Variants in CACNG5 observed in about 807,000 individuals in gnomAD.
CACNG5 encodes the protein voltage-dependent calcium channel gamma-5 subunit.
A neutral mutation model predicts 24.8 loss-of-function variants in CACNG5; 18 were observed. The ratio of observed to expected loss-of-function variants is 0.73; its 90% confidence interval spans 0.50 to 1.08. The LOEUF is 1.08. Ranked by LOEUF, CACNG5 falls within the 50% of genes least tolerant of loss-of-function variation. The pLI is 0.00. For missense variants in CACNG5, 349 were observed against 367.9 expected (o/e 0.95, Z 0.42); for synonymous variants, 157 against 149.1 (o/e 1.05, Z -0.39).
In CACNG5 at chr17:66,884,557, A is replaced by G. The variant is rs143315434; in HGVS notation, c.466A>G (p.Ile156Val). The G allele has an allele frequency of 6.2e-7, 1 of 1,613,962 alleles. No homozygotes were observed. The highest frequency in any genetic ancestry group is 1.7e-5 in the Admixed American group (1 of 60,004). Reference protein sequence around the residue: ...VVGLVLYISSINDEMLNRTKD... With the variant: ...VVGLVLYISSVNDEMLNRTKD... Reference sequence around the variant, plus strand: ...GGGCCTGGTGCTCTACATCTCCAGCATCAACGATGAGATGCTCAACAGGAC... The same window carrying G: ...GGGCCTGGTGCTCTACATCTCCAGCGTCAACGATGAGATGCTCAACAGGAC... Residue 156 changes from isoleucine to valine, a missense_variant, in exon 5 of 6, where the codon ATC becomes GTC. Transcript: ENST00000533854.
At chr17:66,842,549 G>T (rs1330957867) in intron 1 of CACNG5, among the ~76,000 whole-genome samples, 1 of 152,178 alleles carries the variant, frequency 6.6e-6, no homozygotes, top group Non-Finnish European at 1.5e-5. Flanking sequence ...AGGCGGAGTT[G>T]ATTAGAGGCC....
At chr17:66,853,267 G>A (rs546447233) in intron 1 of CACNG5, among the ~76,000 whole-genome samples, 1 of 152,172 alleles carries the variant, frequency 6.6e-6, no homozygotes, top group Admixed American at 6.5e-5. Flanking sequence ...TTGGACACTG[G>A]GGTTGTTTCT....
intron 1 of CACNG5, among the ~76,000 whole-genome samples, chr17:66,857,589 G>A (rs1319453552): frequency 2.0e-5 from 3 of 152,080 alleles, no homozygotes; most frequent in Non-Finnish European, 4.4e-5. Flanking sequence ...TTAGAAATCT[G>A]GGGTATGTGT....
chr17:66,877,447 G>A lies in CACNG5; in HGVS notation c.115G>A (p.Gly39Ser). Residue 39 changes from glycine (G) to serine (S), a missense_variant, in exon 2 of 6, where the codon GGT (glycine) becomes AGT (serine). Gly to Ser is a moderately conservative substitution (Grantham distance 56, BLOSUM62 0). Coordinates refer to ENST00000533854, the MANE Select transcript of CACNG5 (RefSeq NM_145811.3). ...STDYWLYLEE[G>S]VIVPQNQSTE... ...CGACTACTGGCTGTACCTGGAGGAGGGTGTGATTGTGCCCCAGAACCAGAG... is the reference window on the plus strand; with the variant it reads ...CGACTACTGGCTGTACCTGGAGGAGAGTGTGATTGTGCCCCAGAACCAGAG... 1 of 1,614,068 alleles carries A rather than the reference G, an allele frequency of 6.2e-7. No homozygotes were observed. The highest frequency in any genetic ancestry group is 8.5e-7 in the Non-Finnish European group (1 of 1,180,010).
chr17:66,835,500 G>T (rs1331521621), intron 1 of CACNG5, among the ~76,000 whole-genome samples: 1 of 152,234 alleles, frequency 6.6e-6, no homozygotes, highest in Non-Finnish European at 1.5e-5. Context: ...TGTATCGGGG[G>T]AGATGATGAC....
At chr17:66,884,825 T>C (rs780962242) in intron 5 of CACNG5, 158 bp from the exon 6 acceptor site, 1 of 1,613,290 alleles carries the variant, frequency 6.2e-7, no homozygotes, top group South Asian at 1.1e-5. Flanking sequence ...CTGTCTTACC[T>C]TTCTGGGTCT....
chr17:66,844,505 C>T (rs1976610284), intron 1 of CACNG5, among the ~76,000 whole-genome samples: 1 of 152,220 alleles, frequency 6.6e-6, no homozygotes, highest in Non-Finnish European at 1.5e-5. Context: ...CCTCGATATA[C>T]TGATAGCCAC....
intron 1 of CACNG5, among the ~76,000 whole-genome samples, chr17:66,870,804 C>A (rs1444663150): frequency 2.0e-5 from 3 of 152,230 alleles, no homozygotes; most frequent in East Asian, 1.9e-4. Flanking sequence ...CCTGGTGAAA[C>A]CCCATCTCTA....
chr17:66,837,163 G>A (rs1976492106), intron 1 of CACNG5, among the ~76,000 whole-genome samples: 1 of 152,170 alleles, frequency 6.6e-6, no homozygotes, highest in Non-Finnish European at 1.5e-5. Flanking sequence ...GTTCTGGGCT[G>A]GTGTTGTGGC....
chr17:66,848,778 G>T (rs1355237440), intron 1 of CACNG5, among the ~76,000 whole-genome samples: 1 of 152,164 alleles, frequency 6.6e-6, no homozygotes, highest in East Asian at 1.9e-4. Context: ...AGCGCTGGAT[G>T]CAAGGAGAAG....
At chr17:66,839,553 G>T (rs1215009904) in intron 1 of CACNG5, among the ~76,000 whole-genome samples, 2 of 151,904 alleles carry the variant, frequency 1.3e-5, no homozygotes, top group Non-Finnish European at 2.9e-5. Context: ...CCCCAGGAAG[G>T]GCCTCACTGC....
chr17:66,885,967 G>A lies in CACNG5; in HGVS notation c.*727G>A, dbSNP rs562177684. Among the ~76,000 whole-genome samples, 4 of 152,366 alleles carry A rather than the reference G, an allele frequency of 2.6e-5. No individual in the cohort carries two copies. Among genetic ancestry groups the A allele is most frequent in the South Asian group, 4.1e-4 (2 of 4,832 alleles). On this transcript the variant is annotated 3_prime_UTR_variant, in exon 6 of 6. Coordinates refer to ENST00000533854, the MANE Select transcript of CACNG5 (RefSeq NM_145811.3). ...TCACAAAGAGGTGTTAATGGCTGAA[G>A]ACATCCTAATATGTATGGCCCTTTG...
intron 1 of CACNG5, among the ~76,000 whole-genome samples, chr17:66,847,685 C>A (rs970418855): frequency 2.0e-5 from 3 of 152,080 alleles, no homozygotes; most frequent in African/African-American, 7.2e-5. Flanking sequence ...ATCCAGACAC[C>A]CCTCACCCAC....
At chr17:66,843,597 C>T (rs1976595343) in intron 1 of CACNG5, among the ~76,000 whole-genome samples, 1 of 152,116 alleles carries the variant, frequency 6.6e-6, no homozygotes, top group African/African-American at 2.4e-5. Context: ...TTCCCATCTT[C>T]CCCTGTGTTT....
At chr17:66,857,920 A>C (rs1361990137) in intron 1 of CACNG5, among the ~76,000 whole-genome samples, 1 of 152,164 alleles carries the variant, frequency 6.6e-6, no homozygotes, top group African/African-American at 2.4e-5. Flanking sequence ...GGATTATTTT[A>C]AATCCCCCCA....
chr17:66,879,076 G>A lies in CACNG5; in HGVS notation c.283+18G>A. The A allele has an allele frequency of 6.3e-7, 1 of 1,594,404 alleles. No homozygotes were observed. The highest frequency in any genetic ancestry group is 8.6e-7 in the Non-Finnish European group (1 of 1,162,350). On this transcript the variant is annotated intron_variant, in intron 3 of 5. Coordinates refer to ENST00000533854, the MANE Select transcript of CACNG5 (RefSeq NM_145811.3). ...TGTTCTAAGTAAGTGCCTTGAGTCT[G>A]GCAACCTGGGCCACTGGCTGGACAG...
At position 66,894,662 on chromosome 17, in the gene CACNG5, A is replaced by C. The variant is rs183412301; in HGVS notation, c.*9422A>C. Among the ~76,000 whole-genome samples, 17 of 151,928 alleles carry C rather than the reference A, an allele frequency of 1.1e-4. No homozygotes were observed. The highest frequency in any genetic ancestry group is 2.2e-4 in the Non-Finnish European group (15 of 67,984). The stretch of plus-strand genomic sequence containing the variant: ...ATGAGCAACCATTCAGATGTGTTTA[A>C]TATATATATTTTTGTTTCTATGTGC... On this transcript the variant is annotated 3_prime_UTR_variant, in exon 6 of 6. Transcript: ENST00000533854.
chr17:66,864,001 CT>C (rs1447533226), intron 1 of CACNG5, among the ~76,000 whole-genome samples: 1 of 152,138 alleles, frequency 6.6e-6, no homozygotes, highest in African/African-American at 2.4e-5. Context: ...TGTCCGGTAA[CT>C]TTTGATTGAA....
chr17:66,886,787 G>A lies in CACNG5; in HGVS notation c.*1547G>A, dbSNP rs943152286. Among the ~76,000 whole-genome samples, 1 of 152,134 alleles carries A rather than the reference G, an allele frequency of 6.6e-6. No individual in the cohort carries two copies. Among genetic ancestry groups the A allele is most frequent in the East Asian group, 1.9e-4 (1 of 5,174 alleles). ...CCACAGACTGAGTGGCTTAAATAAC[G>A]CACATGAATTTTCCTACAGTTCTGG... On this transcript the variant is annotated 3_prime_UTR_variant, in exon 6 of 6. Transcript: ENST00000533854.
Sources: allele counts gnomAD v4.1 joint callset (sites outside exome capture counted in the v4.1 genomes callset), GRCh38; gene constraint gnomAD v4.1.1; transcripts MANE v1.5; gene names NCBI Gene and HGNC (gene_info 2026-07-23, HGNC 2026-07-21).